STK4: variants seen among roughly 807,000 people sequenced by gnomAD.
The protein encoded by STK4 is serine/threonine-protein kinase 4.
In STK4, 30 loss-of-function variants were observed where a neutral mutation model predicts 64.9. The ratio of observed to expected loss-of-function variants is 0.46; its 90% CI spans 0.35 to 0.63. The LOEUF is 0.63. Ranked by LOEUF, STK4 falls within the 20% of genes least tolerant of loss-of-function variation. STK4 has a pLI of 0.01. For synonymous variants in STK4, 177 were observed against 199.0 expected (o/e 0.89, Z 0.93); for missense variants, 466 against 598.5 (o/e 0.78, Z 2.31).
chr20:45,042,669 T>TG (rs777922737), intron 10 of STK4, among the ~76,000 whole-genome samples: 22 of 152,246 alleles, frequency 1.4e-4, no homozygotes, highest in Admixed American at 2.0e-4. Flanking sequence ...ATTTCTCTGT[T>TG]GGAGTTTGAT....
chr20:45,016,979 TA>T (rs1045182818), intron 9 of STK4, among the ~76,000 whole-genome samples: 1 of 152,232 alleles, frequency 6.6e-6, no homozygotes, highest in African/African-American at 2.4e-5. Context: ...AAAATGGAGA[TA>T]CATTTTTAAA....
At chr20:45,033,449 A>G (rs1313353081) in intron 10 of STK4, among the ~76,000 whole-genome samples, 2 of 152,088 alleles carry the variant, frequency 1.3e-5, no homozygotes, top group South Asian at 2.1e-4. Context: ...TGATTTTTGT[A>G]TACGGTTTAA....
Position 45,024,283 on chromosome 20 carries a change from C to T in STK4, c.1148-690C>T, listed in dbSNP as rs1358664152. On this transcript the variant is annotated intron_variant, in intron 9 of 10. Transcript: ENST00000372806. ...TACTACCAGAGATAAACCCTGTTAA[C>T]ATTTTGGGTATTTTCCCCTAGTTTT... 2.0e-5 allele frequency among the ~76,000 whole-genome samples: 3 copies of T among 150,886 alleles called. No individual in the cohort carries two copies. The East Asian group carries it at 5.8e-4, about 29-fold the overall frequency.
intron 10 of STK4, among the ~76,000 whole-genome samples, chr20:45,063,932 C>T (rs976786905): frequency 3.3e-5 from 5 of 151,904 alleles, no homozygotes; most frequent in Non-Finnish European, 2.9e-5. Flanking sequence ...CTCAGCCTCC[C>T]GAGTAGCTGG....
intron 1 of STK4, among the ~76,000 whole-genome samples, chr20:44,968,514 T>C (rs2067192086): frequency 1.3e-5 from 2 of 152,236 alleles, no homozygotes; most frequent in South Asian, 2.1e-4. Flanking sequence ...TTAGCAGATA[T>C]TTACTATAGT....
At chr20:45,006,774 G>A (rs2067954235) in intron 9 of STK4, among the ~76,000 whole-genome samples, 1 of 152,154 alleles carries the variant, frequency 6.6e-6, no homozygotes, top group Admixed American at 6.5e-5. Flanking sequence ...TACCGAAGCA[G>A]AAGCCATTTT....
In STK4 at chr20:44,982,109, C is replaced by CT. The variant is rs11475406; in HGVS notation, c.360+185dup. Among the ~76,000 whole-genome samples the CT allele has an allele frequency of 9.3e-3, 914 of 98,038 alleles. 21 individuals are homozygous for CT. Among genetic ancestry groups the CT allele is most frequent in the African/African-American group, 0.03 (703 of 23,474 alleles). 64.3% of individuals were successfully genotyped at this position (98,038 alleles called of 152,430 possible). On this transcript the variant is annotated intron_variant, in intron 4 of 10. Transcript: ENST00000372806. Reference sequence around the variant, plus strand: ...CTTTTATGTCTCCTAAGTGTGACAGCTTTTTTTTTTTTTTTTTTTCAAGAG... The same window carrying CT: ...CTTTTATGTCTCCTAAGTGTGACAGCTTTTTTTTTTTTTTTTTTTTCAAGAG...
intron 7 of STK4, among the ~76,000 whole-genome samples, chr20:44,998,417 C>G (rs907730878): frequency 6.6e-6 from 1 of 152,254 alleles, no homozygotes; most frequent in Non-Finnish European, 1.5e-5. Context: ...GAACAATGTT[C>G]ACATGTATTG....
intron 10 of STK4, among the ~76,000 whole-genome samples, chr20:45,046,290 C>G (rs2068693681): frequency 6.7e-6 from 1 of 150,264 alleles, no homozygotes; most frequent in South Asian, 2.1e-4. Flanking sequence ...GAAAAATTGG[C>G]TAAGTGTGGT....
chr20:45,020,958 C>T lies in STK4; in HGVS notation c.1148-4015C>T, dbSNP rs879702385. ...TCCCAAATATTTGAGACCACAGGTG[C>T]GTGCCACCACACCCAGCTAATTTTT... is the stretch of plus-strand genomic sequence containing the variant. On this transcript the variant is annotated intron_variant, in intron 9 of 10. Transcript: ENST00000372806. 3.3e-5 allele frequency among the ~76,000 whole-genome samples: 5 copies of T among 151,786 alleles called. No homozygotes were observed. The East Asian group carries it at 5.8e-4, about 18-fold the overall frequency.
At chr20:44,999,894 C>T (rs1252774465) in intron 7 of STK4, among the ~76,000 whole-genome samples, 2 of 152,222 alleles carry the variant, frequency 1.3e-5, no homozygotes, top group African/African-American at 4.8e-5. Context: ...CCTCCCAAAT[C>T]ACTGGCCTTT....
intron 9 of STK4, among the ~76,000 whole-genome samples, chr20:45,005,862 T>C (rs1036222197): frequency 3.3e-5 from 5 of 151,984 alleles, no homozygotes; most frequent in African/African-American, 4.8e-5. Flanking sequence ...GTCTTAATTT[T>C]TTTCTCTTTT....
chr20:44,988,523 A>ATGTGTGTGTGTGTGTGTGTGTGTGTGTG (rs371237761), intron 5 of STK4, among the ~76,000 whole-genome samples: 13 of 108,596 alleles, frequency 1.2e-4, no homozygotes, highest in East Asian at 3.0e-4. Context: ...GTGTATATAT[A>ATGTGTGTGTGTGTGTGTGTGTGTGTGTG]TGTGTGTGTG....
At chr20:45,003,881 T>C (rs1325370016) in intron 9 of STK4, among the ~76,000 whole-genome samples, 2 of 151,986 alleles carry the variant, frequency 1.3e-5, no homozygotes, top group East Asian at 3.9e-4. Context: ...CACACCTGGC[T>C]ACTTTTTTTG....
At chr20:44,997,636 G>A (rs1472823934) in intron 7 of STK4, among the ~76,000 whole-genome samples, 3 of 152,196 alleles carry the variant, frequency 2.0e-5, no homozygotes, top group Admixed American at 6.5e-5. Context: ...GGTTGAGGCC[G>A]CAGTGAGGCA....
intron 6 of STK4, among the ~76,000 whole-genome samples, chr20:44,995,843 C>G (rs2067720733): frequency 6.6e-6 from 1 of 152,008 alleles, no homozygotes; most frequent in Non-Finnish European, 1.5e-5. Context: ...GTGCTACTCT[C>G]TCTCTCTGTC....
In STK4 at chr20:44,995,174, G is replaced by A. The variant is rs767104688; in HGVS notation, c.610G>A (p.Val204Ile). 6.2e-7 allele frequency: 1 copy of A among 1,613,988 alleles called. No homozygotes were observed. Among genetic ancestry groups the A allele is most frequent in the Non-Finnish European group, 8.5e-7 (1 of 1,179,954 alleles). Residue 204 changes from valine to isoleucine, a missense_variant, in exon 6 of 11, where the codon GTA (valine) becomes ATA (isoleucine). This residue lies in a region of STK4 where 190 missense variants were observed against 289.7 expected (regional missense o/e 0.66). Transcript: ENST00000372806. ...EVIQEIGYNC[V>I]ADIWSLGITA... ...GATTCAGGAAATTGGATACAACTGT[G>A]TAGCAGACATCTGGTCCCTGGGAAT...
At position 44,981,870 on chromosome 20, in the gene STK4, C is replaced by T. The variant is rs141098686; in HGVS notation, c.287C>T (p.Thr96Ile). The T allele has an allele frequency of 6.2e-7, 1 of 1,613,772 alleles. No individual in the cohort carries two copies. The highest frequency in any genetic ancestry group is 8.5e-7 in the Non-Finnish European group (1 of 1,179,862). The change falls in exon 4 of 11, where the codon ACA becomes ATA. Residue 96 changes from threonine to isoleucine, a missense_variant. Around this residue, in one of 2 missense-constraint regions of STK4, gnomAD observed 190 missense variants for 289.7 expected, o/e 0.66. Transcript: ENST00000372806. ...TATTATGGCAGTTATTTTAAGAACA[C>T]AGACTTATGGATCGTTATGGAGTAC... Reference protein sequence around the residue: ...VKYYGSYFKNTDLWIVMEYCG... With the variant: ...VKYYGSYFKNIDLWIVMEYCG...
chr20:45,053,758 A>C (rs890758175), intron 10 of STK4, among the ~76,000 whole-genome samples: 4 of 152,232 alleles, frequency 2.6e-5, no homozygotes, highest in Non-Finnish European at 5.9e-5. Flanking sequence ...CATATTTTCC[A>C]GCTCTTGCTA....
Sources: allele counts gnomAD v4.1 joint callset (sites outside exome capture counted in the v4.1 genomes callset), GRCh38; gene constraint gnomAD v4.1.1; regional missense constraint gnomAD v4.1.1; transcripts MANE v1.5; gene names NCBI Gene and HGNC (gene_info 2026-07-23, HGNC 2026-07-21).